The following PRKN variants were observed in gnomAD, a reference collection of about 807,000 sequenced individuals.
PRKN encodes parkin RBR E3 ubiquitin protein ligase, also known as E3 ubiquitin-protein ligase parkin.
In PRKN, 56 loss-of-function variants were observed where a neutral mutation model predicts 59.5. The ratio of observed to expected loss-of-function variants is 0.94; its 90% CI spans 0.76 to 1.18. The LOEUF (loss-of-function observed/expected upper bound fraction) is 1.18. Among genes scored for constraint, PRKN ranks in the 50% most tolerant of loss-of-function variants. The probability of loss-of-function intolerance (pLI) is 0.00; values close to 1 mark genes in which losing one functional copy is unlikely to be tolerated. For missense variants in PRKN, 657 were observed against 596.4 expected (o/e 1.10, Z -1.06); for synonymous variants, 250 against 222.1 (o/e 1.13, Z -1.12).
chr6:161,854,588 C>T (rs1793568995), intron 6 of PRKN, among the ~76,000 whole-genome samples: 1 of 152,082 alleles, frequency 6.6e-6, no homozygotes, highest in Non-Finnish European at 1.5e-5. Flanking sequence ...CACTTACATA[C>T]AGTTATACAT....
At chr6:161,794,998 C>T (rs996714867) in intron 6 of PRKN, among the ~76,000 whole-genome samples, 1 of 151,692 alleles carries the variant, frequency 6.6e-6, no homozygotes, top group Non-Finnish European at 1.5e-5. Context: ...CATTCTCTTG[C>T]CTCAGCCTCC....
chr6:162,065,872 C>T (rs1051156289), intron 4 of PRKN, among the ~76,000 whole-genome samples: 2 of 152,314 alleles, frequency 1.3e-5, no homozygotes, highest in East Asian at 1.9e-4. Flanking sequence ...TTTCCAGCTT[C>T]GTCCATGTCT....
intron 5 of PRKN, among the ~76,000 whole-genome samples, chr6:162,005,518 C>T (rs1782215086): frequency 6.6e-6 from 1 of 151,440 alleles, no homozygotes; most frequent in South Asian, 2.1e-4. Context: ...CTTGCTCTCT[C>T]TCTCTGTCTC....
At position 162,042,169 on chromosome 6, in the gene PRKN, T is replaced by C. The variant is rs556886216; in HGVS notation, c.618+11922A>G. Among the ~76,000 whole-genome samples the C allele has an allele frequency of 1.9e-3, 292 of 152,192 alleles. 2 individuals are homozygous for C. Among genetic ancestry groups the C allele is most frequent in the African/African-American group, 6.9e-3 (288 of 41,536 alleles). Reference sequence around the variant, plus strand: ...TCATTCAAATAAAAGCAAATATAAATGGAGAATACATTCACAAGATGTTCA... The same window carrying C: ...TCATTCAAATAAAAGCAAATATAAACGGAGAATACATTCACAAGATGTTCA... On this transcript the variant is annotated intron_variant, in intron 5 of 11. Transcript: ENST00000366898.
chr6:162,098,687 C>G (rs1368969011), intron 4 of PRKN, among the ~76,000 whole-genome samples: 6 of 152,206 alleles, frequency 3.9e-5, no homozygotes, highest in Non-Finnish European at 4.4e-5. Context: ...TCTAAAATTT[C>G]TACATTATTC....
intron 9 of PRKN, among the ~76,000 whole-genome samples, chr6:161,543,890 C>T (rs546320861): frequency 5.9e-5 from 9 of 152,256 alleles, no homozygotes; most frequent in South Asian, 2.1e-4. Flanking sequence ...GCACTAAACA[C>T]GTCAGCATTT....
rs182568156 is a variant in PRKN at position 161,348,752 on chromosome 6, C to T, written c.*1347G>A. On this transcript the variant is annotated 3_prime_UTR_variant, in exon 12 of 12. Transcript: ENST00000366898. The surrounding 1 kb of genome is among the most constrained non-coding windows in gnomAD (Gnocchi z 4.9). ...AGACTCATGCCCTCAGTTATGTTCA[C>T]GATCTTCCTGAGAAGTCAGACAATA... 5 of 209,022 alleles carry T rather than the reference C, an allele frequency of 2.4e-5. No individual in the cohort carries two copies. Among genetic ancestry groups the T allele is most frequent in the East Asian group, 1.4e-4 (2 of 13,930 alleles). The allele number at this position is 209,022 out of a possible 1,614,324, so 12.9% of individuals were successfully genotyped here.
intron 6 of PRKN, among the ~76,000 whole-genome samples, chr6:161,831,568 A>G (rs1562323743): frequency 1.3e-5 from 2 of 152,208 alleles, no homozygotes; most frequent in South Asian, 2.1e-4. Context: ...AAGATGATCA[A>G]CAGTGAACTT....
At chr6:161,380,339 A>G (rs1785913673) in intron 10 of PRKN, among the ~76,000 whole-genome samples, 1 of 151,514 alleles carries the variant, frequency 6.6e-6, no homozygotes, top group Admixed American at 6.6e-5. Flanking sequence ...AGCATACAAC[A>G]TTTTAATTAT....
intron 7 of PRKN, among the ~76,000 whole-genome samples, chr6:161,595,840 C>T (rs551708221): frequency 2.8e-4 from 43 of 152,266 alleles, no homozygotes; most frequent in Middle Eastern, 3.4e-3. Context: ...CTATAATTTA[C>T]GGCGGGAAAG....
chr6:162,414,726 A>AAAAAAAAAAAAAATAAAAGT (rs34838356), intron 2 of PRKN, among the ~76,000 whole-genome samples: 1 of 91,870 alleles, frequency 1.1e-5, no homozygotes, highest in African/African-American at 4.5e-5. Flanking sequence ...AAAAAAAAAA[A>AAAAAAAAAAAAAATAAAAGT]AGTGAATCTT....
chr6:162,602,107 C>T (rs992078477), intron 1 of PRKN, among the ~76,000 whole-genome samples: 2 of 152,156 alleles, frequency 1.3e-5, no homozygotes, highest in Non-Finnish European at 2.9e-5. Context: ...GGACGGGTAT[C>T]CCCGCATGGT....
At chr6:162,315,504 A>T (rs1782718099) in intron 2 of PRKN, among the ~76,000 whole-genome samples, 1 of 152,170 alleles carries the variant, frequency 6.6e-6, no homozygotes, top group Non-Finnish European at 1.5e-5. Context: ...TTTGCATTTC[A>T]AATTTGTTGT....
intron 7 of PRKN, among the ~76,000 whole-genome samples, chr6:161,713,584 CA>C (rs1248973724): frequency 1.3e-5 from 2 of 152,132 alleles, no homozygotes; most frequent in Non-Finnish European, 2.9e-5. Context: ...GGACAAAGAC[CA>C]AATATAGTTC....
intron 1 of PRKN, among the ~76,000 whole-genome samples, chr6:162,725,327 T>A (rs1282248987): frequency 2.0e-5 from 3 of 152,222 alleles, no homozygotes; most frequent in Non-Finnish European, 4.4e-5. Context: ...ATAATGTCTT[T>A]CCTGGCTCTG....
Position 161,451,164 on chromosome 6 carries a change from C to T in PRKN, c.1084-64287G>A, listed in dbSNP as rs1047788501. On this transcript the variant is annotated intron_variant, in intron 9 of 11. Transcript: ENST00000366898. This position sits in a 1 kb window ranked among gnomAD's most constrained non-coding sequence, Gnocchi z 5.9. ...TGTTATTTCTCTTAGGTCCCAGCAC[C>T]GCAGAAAATCATCTTGAACACCTCC... Among the ~76,000 whole-genome samples, 2 of 152,066 alleles carry T rather than the reference C, an allele frequency of 1.3e-5. No individual in the cohort carries two copies. The highest frequency in any genetic ancestry group is 1.9e-4 in the East Asian group (1 of 5,184).
intron 6 of PRKN, among the ~76,000 whole-genome samples, chr6:161,850,620 A>G (rs1392981520): frequency 1.3e-5 from 2 of 151,906 alleles, no homozygotes; most frequent in Non-Finnish European, 2.9e-5. Context: ...GAAATATCTA[A>G]AAGTTTTTTT....
At chr6:161,601,199 C>T (rs1782092194) in intron 7 of PRKN, among the ~76,000 whole-genome samples, 1 of 152,098 alleles carries the variant, frequency 6.6e-6, no homozygotes, top group Non-Finnish European at 1.5e-5. Flanking sequence ...CGACAAAATA[C>T]CATAAACTGG....
intron 5 of PRKN, among the ~76,000 whole-genome samples, chr6:162,021,438 A>AATATATATATAT (rs1193427302): frequency 1.3e-4 from 16 of 120,780 alleles, no homozygotes; most frequent in African/African-American, 5.2e-4. Context: ...CATTACAGGG[A>AATATATATATAT]ATATATATAT....
Sources: allele counts gnomAD v4.1 joint callset (sites outside exome capture counted in the v4.1 genomes callset), GRCh38; gene constraint gnomAD v4.1.1; non-coding constraint Gnocchi (gnomAD v3.1); transcripts MANE v1.5; gene names NCBI Gene and HGNC (gene_info 2026-07-23, HGNC 2026-07-21).